Variants in ARL15 observed in about 807,000 individuals in gnomAD.
The protein encoded by ARL15 is ADP-ribosylation factor-like protein 15.
In ARL15, 19 loss-of-function variants were observed where a neutral mutation model predicts 25.2. The observed-to-expected ratio is 0.75, with a 90% CI of 0.53 to 1.10. ARL15 has a LOEUF of 1.10. Ranked by LOEUF, ARL15 falls within the 50% of genes least tolerant of loss-of-function variation. ARL15 has a pLI of 0.00. For synonymous variants in ARL15, 94 were observed against 86.8 expected (o/e 1.08, Z -0.46); for missense variants, 220 against 246.0 (o/e 0.89, Z 0.71).
chr5:54,150,365 AC>A (rs1754031709), intron 3 of ARL15, among the ~76,000 whole-genome samples: 1 of 152,242 alleles, frequency 6.6e-6, no homozygotes, highest in African/African-American at 2.4e-5. Flanking sequence ...CAGAACCATA[AC>A]TGAGCAAGAG....
chr5:53,978,719 A>G (rs539055891), intron 4 of ARL15, among the ~76,000 whole-genome samples: 7 of 151,978 alleles, frequency 4.6e-5, no homozygotes, highest in Non-Finnish European at 8.8e-5. Context: ...ACGTTCATAT[A>G]AGAATATATA....
chr5:54,222,983 ATTT>A (rs35959438), intron 1 of ARL15, among the ~76,000 whole-genome samples: 2,451 of 127,050 alleles, frequency 0.019, 80 homozygotes, highest in African/African-American at 0.065. Flanking sequence ...CTATGCCTGG[ATTT>A]TTTTTTTTTT....
chr5:54,221,946 A>G (rs1756390831), intron 1 of ARL15, among the ~76,000 whole-genome samples: 1 of 152,206 alleles, frequency 6.6e-6, no homozygotes, highest in South Asian at 2.1e-4. Flanking sequence ...ACATTTTTGA[A>G]CAATGAAAAG....
chr5:54,280,795 A>G (rs866968163), intron 1 of ARL15, among the ~76,000 whole-genome samples: 15 of 152,198 alleles, frequency 9.9e-5, no homozygotes, highest in African/African-American at 3.6e-4. Flanking sequence ...AAGTATCACT[A>G]TATTTCCATC....
chr5:54,153,702 G>A (rs1474073801), intron 3 of ARL15, among the ~76,000 whole-genome samples: 1 of 152,122 alleles, frequency 6.6e-6, no homozygotes, highest in Non-Finnish European at 1.5e-5. Flanking sequence ...GAAAAGATCA[G>A]CCAGTTTTTT....
At chr5:53,904,511 G>C (rs1314095293) in intron 4 of ARL15, among the ~76,000 whole-genome samples, 1 of 152,092 alleles carries the variant, frequency 6.6e-6, no homozygotes, top group Admixed American at 6.6e-5. Flanking sequence ...TAACTACAAA[G>C]GATTGAGAGG....
chr5:53,954,317 G>A (rs1477729312), intron 4 of ARL15, among the ~76,000 whole-genome samples: 2 of 152,166 alleles, frequency 1.3e-5, no homozygotes, highest in Non-Finnish European at 2.9e-5. Context: ...ACCTTCCTCT[G>A]TCTTGGGATC....
At chr5:54,260,275 C>A (rs1427298875) in intron 1 of ARL15, among the ~76,000 whole-genome samples, 5 of 152,142 alleles carry the variant, frequency 3.3e-5, no homozygotes, top group African/African-American at 1.2e-4. Flanking sequence ...TCTGTACTAG[C>A]AGAAAAGGAA....
At chr5:53,938,703 C>T (rs969566863) in intron 4 of ARL15, among the ~76,000 whole-genome samples, 3 of 152,146 alleles carry the variant, frequency 2.0e-5, no homozygotes, top group African/African-American at 4.8e-5. Flanking sequence ...CCATGTGCCT[C>T]TAGGCACATG....
intron 1 of ARL15, chr5:54,282,484 G>A: frequency 2.0e-6 from 2 of 985,226 alleles, no homozygotes; most frequent in South Asian, 4.7e-5. Context: ...CTGTTTTCTA[G>A]GCTAGCTCAA....
intron 4 of ARL15, among the ~76,000 whole-genome samples, chr5:54,016,736 C>T (rs941684682): frequency 1.3e-5 from 2 of 152,220 alleles, no homozygotes; most frequent in Admixed American, 1.3e-4. Context: ...TACCTCAGTA[C>T]AGTCTATGTT....
intron 4 of ARL15, among the ~76,000 whole-genome samples, chr5:53,972,821 G>C (rs73110873): frequency 6.6e-6 from 1 of 152,058 alleles, no homozygotes; most frequent in Non-Finnish European, 1.5e-5. Context: ...AGATTTCAAC[G>C]TCAAGGAGTA....
At chr5:54,157,275 A>AATTTATTT (rs1481677440) in intron 2 of ARL15, among the ~76,000 whole-genome samples, 2 of 152,232 alleles carry the variant, frequency 1.3e-5, no homozygotes, top group African/African-American at 4.8e-5. Flanking sequence ...GCAAAATACA[A>AATTTATTT]CTTTTGAAAT....
chr5:54,220,469 C>T (rs1208896302), intron 1 of ARL15, among the ~76,000 whole-genome samples: 3 of 152,130 alleles, frequency 2.0e-5, no homozygotes, highest in Admixed American at 6.5e-5. Flanking sequence ...ACGTCTTCAC[C>T]GAAGTTTCTG....
intron 4 of ARL15, among the ~76,000 whole-genome samples, chr5:53,911,052 T>C (rs944856134): frequency 2.0e-4 from 30 of 152,306 alleles, no homozygotes; most frequent in Non-Finnish European, 4.1e-4. Context: ...ATCTCTTTCC[T>C]TGGCATAACT....
chr5:54,193,438 G>A (rs538571265), intron 1 of ARL15, among the ~76,000 whole-genome samples: 1 of 152,176 alleles, frequency 6.6e-6, no homozygotes, highest in Non-Finnish European at 1.5e-5. Flanking sequence ...GTAAGCAGCA[G>A]GTGAGCAAGG....
intron 4 of ARL15, among the ~76,000 whole-genome samples, chr5:54,068,432 C>T (rs968659982): frequency 6.6e-6 from 1 of 152,190 alleles, no homozygotes; most frequent in Non-Finnish European, 1.5e-5. Flanking sequence ...TCGACCACAA[C>T]CATTTGGACC....
intron 4 of ARL15, among the ~76,000 whole-genome samples, chr5:54,069,323 C>A (rs1398988658): frequency 1.3e-5 from 2 of 152,090 alleles, no homozygotes; most frequent in Non-Finnish European, 2.9e-5. Context: ...ATAATCCTAG[C>A]ACTTTGGCAG....
chr5:54,076,990 G>A (rs1025210218), intron 4 of ARL15, among the ~76,000 whole-genome samples: 3 of 152,148 alleles, frequency 2.0e-5, no homozygotes, highest in African/African-American at 7.2e-5. Flanking sequence ...CTTCCCTTAT[G>A]AGAACATCTT....
Sources: allele counts gnomAD v4.1 joint callset (sites outside exome capture counted in the v4.1 genomes callset), GRCh38; gene constraint gnomAD v4.1.1; transcripts MANE v1.5; gene names NCBI Gene and HGNC (gene_info 2026-07-23, HGNC 2026-07-21).